The following OXNAD1 variants were observed in gnomAD, a reference collection of about 807,000 sequenced individuals.
OXNAD1 encodes oxidoreductase NAD binding domain containing 1, also known as oxidoreductase NAD-binding domain-containing protein 1.
In OXNAD1, 34 loss-of-function variants were observed where a neutral mutation model predicts 32.9. The ratio of observed to expected loss-of-function variants is 1.03; its 90% CI spans 0.79 to 1.38. The LOEUF (loss-of-function observed/expected upper bound fraction) is 1.38. Among genes scored for constraint, OXNAD1 ranks in the 40% most tolerant of loss-of-function variants. OXNAD1 has a pLI of 0.00. For synonymous variants in OXNAD1, 134 were observed against 135.2 expected, an observed-to-expected ratio of 0.99 and a Z score of 0.06; for missense variants, 407 against 379.4, an observed-to-expected ratio of 1.07 and a Z score of -0.60.
chr3:16,300,773 AC>A lies in OXNAD1; in HGVS notation c.433-851del, dbSNP rs556872004. On this transcript the variant is annotated intron_variant, in intron 6 of 8. Transcript: ENST00000285083. ...TCACAAAATTCCTGTAGATTTGACCACCAGCTTAGTAGGAGCCAGCTCTGGG... is the reference window on the plus strand; with the variant it reads ...TCACAAAATTCCTGTAGATTTGACCACAGCTTAGTAGGAGCCAGCTCTGGG... Among the ~76,000 whole-genome samples the A allele has an allele frequency of 2.0e-3, 311 of 152,300 alleles. 1 individual carries two copies. The highest frequency in any genetic ancestry group is 7.0e-3 in the African/African-American group (290 of 41,558).
rs750100682 is a variant in OXNAD1, at chr3:16,284,713, C to G, written c.184-1629C>G. ...ATCTCATTTAATCCTCCCAGCAACC[C>G]TATGAGGTATAGGTGGTATTATTCT... On this transcript the variant is annotated intron_variant, in intron 4 of 8. Transcript: ENST00000285083. This position sits in a 1 kb window ranked among gnomAD's most constrained non-coding sequence, Gnocchi z 4.1. 3.2e-4 allele frequency among the ~76,000 whole-genome samples: 48 copies of G among 152,182 alleles called. No homozygotes were observed. Among genetic ancestry groups the G allele is most frequent in the Non-Finnish European group, 6.5e-4 (44 of 68,042 alleles).
Position 16,302,675 on chromosome 3 carries a change from G to T in OXNAD1, c.711G>T (p.Glu237Asp), listed in dbSNP as rs753594791. The T allele has an allele frequency of 1.2e-6, 2 of 1,613,234 alleles. No homozygotes were observed. The highest frequency in any genetic ancestry group is 2.2e-5 in the South Asian group (2 of 90,980). Residue 237 changes from glutamate to aspartate, a missense_variant, in exon 8 of 9, where the codon GAG (glutamate) becomes GAT (aspartate). Glu to Asp is a conservative substitution (Grantham distance 45). Coordinates refer to ENST00000285083, the MANE Select transcript of OXNAD1 (RefSeq NM_138381.5). The surrounding 1 kb of genome is among the most constrained non-coding windows in gnomAD (Gnocchi z 4.2). ...TTGATTTAGTAAATGAATTTCCTGA[G>T]AAGATTGCATGCAGTTTGCATGTTA... ...NILDLVNEFP[E>D]KIACSLHVTK...
intron 9 of OXNAD1, among the ~76,000 whole-genome samples, chr3:16,324,613 A>ACC (rs111849488): frequency 0.43 from 38,421 of 90,030 alleles, 10,208 homozygotes; most frequent in Non-Finnish European, 0.45. Flanking sequence ...AATGTCCCTG[A>ACC]CCCCCCCCCT....
chr3:16,345,266 G>T lies in OXNAD1; in HGVS notation c.*31-3910G>T, dbSNP rs1342284857. The T allele has an allele frequency of 8.5e-5, 2 of 23,424 alleles. No homozygotes were observed. Among genetic ancestry groups the T allele is most frequent in the East Asian group, 4.0e-3 (1 of 252 alleles). 1.5% of individuals were successfully genotyped at this position (23,424 alleles called of 1,614,324 possible). A position where few individuals can be genotyped will look rare whatever the true frequency, so the allele number is the denominator to read the frequency against. On this transcript the variant is annotated intron_variant, in intron 9 of 9. Transcript: ENST00000606098. This position sits in a 1 kb window ranked among gnomAD's most constrained non-coding sequence, Gnocchi z 5.2. Reference sequence around the variant, plus strand: ...ACTGTAAGATAATAAGTAGGTGGTTGTGTGTGTGTGTGTGTGTGTGTGTGT... The same window carrying T: ...ACTGTAAGATAATAAGTAGGTGGTTTTGTGTGTGTGTGTGTGTGTGTGTGT...
At chr3:16,269,349 C>T (rs892602190) in intron 2 of OXNAD1, 74 bp downstream of exon 2, 30 of 1,480,194 alleles carry the variant, frequency 2.0e-5, no homozygotes, top group East Asian at 5.0e-5. Flanking sequence ...AGAAAAACTA[C>T]GTTTAGTGGT....
At position 16,290,704 on chromosome 3, in the gene OXNAD1, G is replaced by A. The variant is rs530210448; in HGVS notation, c.291-4152G>A. On this transcript the variant is annotated intron_variant, in intron 5 of 8. Transcript: ENST00000285083. The surrounding 1 kb of genome is among the most constrained non-coding windows in gnomAD (Gnocchi z 4.2). ...AAGTACTCATGGAAAAGAGTCAAGT[G>A]AAAATAGGTTAAAGTTGGCCAAAGA... Among the ~76,000 whole-genome samples the A allele has an allele frequency of 6.6e-6, 1 of 152,306 alleles. No individual in the cohort carries two copies. Among genetic ancestry groups the A allele is most frequent in the East Asian group, 1.9e-4 (1 of 5,194 alleles).
At chr3:16,306,735 G>GT (rs1333590338), downstream of OXNAD1, among the ~76,000 whole-genome samples, 1 of 152,056 alleles carries the variant, frequency 6.6e-6, no homozygotes, top group Non-Finnish European at 1.5e-5. Context: ...CATGTAAACT[G>GT]GTAATTAGAT....
At position 16,269,151 on chromosome 3, in the gene OXNAD1, G is replaced by A; in HGVS notation, c.-133G>A. ...GAACTTTGTGAGAATTTTAATGCAT[G>A]GAAAAGCTGTCCATGTTCCAACTGC... is the stretch of plus-strand genomic sequence containing the variant. On this transcript the variant is annotated 5_prime_UTR_variant, in exon 2 of 9. An upstream start codon of the reference 5' UTR is lost. Coordinates refer to ENST00000285083, the MANE Select transcript of OXNAD1 (RefSeq NM_138381.5). 1 of 1,496,654 alleles carries A rather than the reference G, an allele frequency of 6.7e-7. No homozygotes were observed. Among genetic ancestry groups the A allele is most frequent in the South Asian group, 1.3e-5 (1 of 77,740 alleles). The allele number at this position is 1,496,654 out of a possible 1,614,324, so 92.7% of individuals were successfully genotyped here.
chr3:16,347,610 C>G (rs535917274), intron 9 of OXNAD1: 2 of 152,210 alleles, frequency 1.3e-5, no homozygotes, highest in African/African-American at 4.8e-5. Flanking sequence ...AGATGCATAC[C>G]CACCTCTGTG....
downstream of OXNAD1, among the ~76,000 whole-genome samples, chr3:16,310,883 G>C (rs1202083068): frequency 6.6e-6 from 1 of 151,318 alleles, no homozygotes. Context: ...CCAGCTACTC[G>C]GCAGGCTGAG....
At chr3:16,350,299 A>G (rs1319347527) in exon 10 of OXNAD1, 1 of 152,176 alleles carries the variant, frequency 6.6e-6, no homozygotes, top group Non-Finnish European at 1.5e-5. Flanking sequence ...ATTACAAGTA[A>G]TGCTGAGATA....
chr3:16,293,988 A>G (rs2066596143), intron 5 of OXNAD1, among the ~76,000 whole-genome samples: 1 of 152,172 alleles, frequency 6.6e-6, no homozygotes, highest in Non-Finnish European at 1.5e-5. Context: ...CCAACCTTGT[A>G]TTCCTGGAAT....
rs1574954918 is a variant in OXNAD1 at position 16,323,436 on chromosome 3, C to G, written c.*31-13676C>G. On this transcript the variant is annotated intron_variant, in intron 9 of 9. Transcript: ENST00000435829. ...AAGGTCTCTGAAGAAAGACAATCTGCTTGGTGGATACACTCCCCTCGCTGT... is the reference window on the plus strand; with the variant it reads ...AAGGTCTCTGAAGAAAGACAATCTGGTTGGTGGATACACTCCCCTCGCTGT... 4 of 1,612,564 alleles carry G rather than the reference C, an allele frequency of 2.5e-6. No individual in the cohort carries two copies. In the East Asian group the frequency reaches 6.7e-5, roughly 27 times the overall value.
Position 16,297,171 on chromosome 3 carries a change from G to C in OXNAD1, c.432+2174G>C, listed in dbSNP as rs2125076762. Among the ~76,000 whole-genome samples, 1 of 152,168 alleles carries C rather than the reference G, an allele frequency of 6.6e-6. No homozygotes were observed. The highest frequency in any genetic ancestry group is 2.1e-4 in the South Asian group (1 of 4,818). On this transcript the variant is annotated intron_variant, in intron 6 of 8. Coordinates refer to ENST00000285083, the MANE Select transcript of OXNAD1 (RefSeq NM_138381.5). The surrounding 1 kb of genome is among the most constrained non-coding windows in gnomAD (Gnocchi z 4.3). Reference sequence around the variant, plus strand: ...ACAAGCAACATGATTTTTTTAAATGGACAAAGGATTGAACAGACACTTCAG... The same window carrying C: ...ACAAGCAACATGATTTTTTTAAATGCACAAAGGATTGAACAGACACTTCAG...
Position 16,289,833 on chromosome 3 carries a change from C to A in OXNAD1, c.290+3385C>A, listed in dbSNP as rs139748985. Among the ~76,000 whole-genome samples, 21 of 152,236 alleles carry A rather than the reference C, an allele frequency of 1.4e-4. No individual in the cohort carries two copies. Among genetic ancestry groups the A allele is most frequent in the African/African-American group, 5.1e-4 (21 of 41,458 alleles). On this transcript the variant is annotated intron_variant, in intron 5 of 8. Coordinates refer to ENST00000285083, the MANE Select transcript of OXNAD1 (RefSeq NM_138381.5). The surrounding 1 kb of genome is among the most constrained non-coding windows in gnomAD (Gnocchi z 4.9). ...CTCCTTCCTCTGCCTTGCCTCGCTA[C>A]GCTAAGCAGATTTTATCATTGCCCA...
chr3:16,321,848 T>C lies in OXNAD1; in HGVS notation c.*31-15264T>C, dbSNP rs924343761. 6.6e-6 allele frequency among the ~76,000 whole-genome samples: 1 copy of C among 152,172 alleles called. No individual in the cohort carries two copies. The highest frequency in any genetic ancestry group is 1.5e-5 in the Non-Finnish European group (1 of 68,018). On this transcript the variant is annotated intron_variant, in intron 9 of 9. Transcript: ENST00000435829. This position sits in a 1 kb window ranked among gnomAD's most constrained non-coding sequence, Gnocchi z 4.8. ...CTTATTACAGCAGCTTTTACAAATC[T>C]ATCTCTAAAGTCTCCCTGCCGACTC...
intron 4 of OXNAD1, among the ~76,000 whole-genome samples, chr3:16,274,603 A>C (rs1370410676): frequency 6.6e-6 from 1 of 152,250 alleles, no homozygotes; most frequent in Non-Finnish European, 1.5e-5. Flanking sequence ...AATTATCTTA[A>C]GAAAAAGGGA....
intron 5 of OXNAD1, among the ~76,000 whole-genome samples, chr3:16,291,745 A>G (rs1346143016): frequency 6.6e-6 from 1 of 152,248 alleles, no homozygotes; most frequent in African/African-American, 2.4e-5. Flanking sequence ...CACCTGTCTT[A>G]GGTCTAAACC....
At chr3:16,337,567 C>A (rs1046898419), downstream of OXNAD1, among the ~76,000 whole-genome samples, 5 of 151,626 alleles carry the variant, frequency 3.3e-5, no homozygotes, top group African/African-American at 1.2e-4. The surrounding 1 kb of genome is among the most constrained non-coding windows in gnomAD (Gnocchi z 5.0). Flanking sequence ...CATGGTGAAA[C>A]CTCGTCTCTA....
Sources: allele counts gnomAD v4.1 joint callset (sites outside exome capture counted in the v4.1 genomes callset), GRCh38; gene constraint gnomAD v4.1.1; non-coding constraint Gnocchi (gnomAD v3.1); transcripts MANE v1.5; gene names NCBI Gene and HGNC (gene_info 2026-07-23, HGNC 2026-07-21).